The following CCDC178 variants were observed in gnomAD, a reference collection of about 807,000 sequenced individuals.
CCDC178 encodes the protein coiled-coil domain containing 178, also known as coiled-coil domain-containing protein 178.
In CCDC178, 126 loss-of-function variants were observed where a neutral mutation model predicts 117.4. That is an observed-to-expected ratio of 1.07 (90% confidence interval 0.93 to 1.24). The LOEUF is 1.24. Among genes scored for constraint, CCDC178 ranks in the 50% most tolerant of loss-of-function variants. The pLI is 0.00. For synonymous variants in CCDC178, 283 were observed against 313.4 expected, an observed-to-expected ratio of 0.90 and a Z score of 1.02; for missense variants, 1,030 against 986.9, an observed-to-expected ratio of 1.04 and a Z score of -0.59.
chr18:33,313,071 G>A (rs973089208), intron 11 of CCDC178, among the ~76,000 whole-genome samples: 14 of 152,182 alleles, frequency 9.2e-5, no homozygotes, highest in African/African-American at 2.4e-4. Flanking sequence ...ACTGGGATGC[G>A]CTTCACCAAA....
intron 21 of CCDC178, among the ~76,000 whole-genome samples, chr18:33,059,781 T>A (rs1379670888): frequency 6.6e-6 from 1 of 152,192 alleles, no homozygotes; most frequent in South Asian, 2.1e-4. Context: ...CATCGATATA[T>A]TTCTTCAAGG....
Position 33,092,842 on chromosome 18 carries a change from T to A in CCDC178, c.2307A>T (p.Thr769=). 6.3e-7 allele frequency: 1 copy of A among 1,583,982 alleles called. No homozygotes were observed. The highest frequency in any genetic ancestry group is 8.6e-7 in the Non-Finnish European group (1 of 1,160,726). ...LAQEYQQLQI[T]FLKEKDNYFN... ...AATAATTGTCCTTTTCTTTTAAGAA[T>A]GTAATCTGTAGCTGTTGATACTCTT... The change falls in exon 21 of 23, where the codon ACA becomes ACT. Residue 769 remains threonine (T), a synonymous_variant. Transcript: ENST00000383096.
Position 33,346,424 on chromosome 18 carries a change from T to G in CCDC178, c.458-13A>C. The stretch of plus-strand genomic sequence containing the variant: ...GGACACTTTTCATCTTAAACAGAAA[T>G]AAATATTCACATTTGTTAATAAATC... On this transcript the variant is annotated splice_polypyrimidine_tract_variant and intron_variant, in intron 8 of 22. Transcript: ENST00000383096. 1 of 1,565,290 alleles carries G rather than the reference T, an allele frequency of 6.4e-7. No individual in the cohort carries two copies. Among genetic ancestry groups the G allele is most frequent in the Non-Finnish European group, 8.8e-7 (1 of 1,139,024 alleles).
At chr18:33,377,843 T>C (rs2063385777) in intron 5 of CCDC178, among the ~76,000 whole-genome samples, 1 of 152,212 alleles carries the variant, frequency 6.6e-6, no homozygotes. Context: ...CTGTTTTAGT[T>C]ACTGTAGCCA....
intron 20 of CCDC178, among the ~76,000 whole-genome samples, chr18:33,197,613 G>T (rs2058945660): frequency 6.9e-6 from 1 of 145,478 alleles, no homozygotes; most frequent in Non-Finnish European, 1.5e-5. Flanking sequence ...CTACCACACT[G>T]GATTGCTTTA....
intron 20 of CCDC178, among the ~76,000 whole-genome samples, chr18:33,136,349 G>A (rs1001471885): frequency 2.0e-5 from 3 of 152,106 alleles, no homozygotes; most frequent in Non-Finnish European, 4.4e-5. Context: ...GTTAGAAGAT[G>A]TCTACCTCTG....
At chr18:33,030,770 C>T (rs8085522) in intron 21 of CCDC178, among the ~76,000 whole-genome samples, 4,795 of 151,516 alleles carry the variant, frequency 0.032, 116 homozygotes, top group East Asian at 0.081. Context: ...TGATAGATGA[C>T]AGATAGATAA....
chr18:33,040,002 C>G (rs2144889283), intron 21 of CCDC178, among the ~76,000 whole-genome samples: 1 of 151,490 alleles, frequency 6.6e-6, no homozygotes, highest in East Asian at 1.9e-4. Context: ...TAAAAAATTA[C>G]CATAAGAAAA....
At chr18:33,029,316 C>G (rs1018373482) in intron 21 of CCDC178, among the ~76,000 whole-genome samples, 1 of 151,852 alleles carries the variant, frequency 6.6e-6, no homozygotes, top group Non-Finnish European at 1.5e-5. Flanking sequence ...GTTCATACTC[C>G]TCACTTACAT....
At chr18:33,219,216 T>A in intron 18 of CCDC178, among the ~76,000 whole-genome samples, 1 of 152,008 alleles carries the variant, frequency 6.6e-6, no homozygotes, top group East Asian at 1.9e-4. Context: ...CAAATCAATA[T>A]CACAATGAGA....
chr18:32,978,774 C>T (rs1227907986), intron 21 of CCDC178, among the ~76,000 whole-genome samples: 2 of 152,140 alleles, frequency 1.3e-5, no homozygotes, highest in South Asian at 2.1e-4. Flanking sequence ...CGGTGGCTAA[C>T]GCCTGTAATC....
chr18:32,967,998 T>A (rs2054850106), intron 22 of CCDC178, among the ~76,000 whole-genome samples: 1 of 151,840 alleles, frequency 6.6e-6, no homozygotes, highest in East Asian at 1.9e-4. Context: ...CATTTCTTTG[T>A]GACAGCACTC....
At chr18:33,053,469 T>A (rs2056778398) in intron 21 of CCDC178, among the ~76,000 whole-genome samples, 1 of 152,220 alleles carries the variant, frequency 6.6e-6, no homozygotes, top group Admixed American at 6.5e-5. Context: ...TGTATTTTCT[T>A]CTTCATGAAA....
intron 21 of CCDC178, among the ~76,000 whole-genome samples, chr18:33,011,931 T>C (rs906958659): frequency 6.6e-6 from 1 of 152,018 alleles, no homozygotes; most frequent in East Asian, 1.9e-4. Flanking sequence ...TTTAGTTGAT[T>C]TTCTTGCAAG....
intron 22 of CCDC178, chr18:32,958,138 AAC>A (rs1164412917): frequency 4.0e-6 from 2 of 496,606 alleles, no homozygotes; most frequent in Non-Finnish European, 3.7e-6. Flanking sequence ...TGAGAAATAA[AAC>A]ACAGACATTA....
At chr18:33,115,386 T>C (rs892129943) in intron 20 of CCDC178, among the ~76,000 whole-genome samples, 1 of 152,060 alleles carries the variant, frequency 6.6e-6, no homozygotes, top group Non-Finnish European at 1.5e-5. Flanking sequence ...AAGAGAATTT[T>C]ATGAAAAAGT....
intron 20 of CCDC178, among the ~76,000 whole-genome samples, chr18:33,208,517 G>A (rs2059071939): frequency 6.6e-6 from 1 of 152,016 alleles, no homozygotes; most frequent in Non-Finnish European, 1.5e-5. Context: ...TCTTCCTGCT[G>A]ATGTGTCTTG....
chr18:33,274,169 A>G (rs2059919392), intron 12 of CCDC178, among the ~76,000 whole-genome samples: 1 of 151,868 alleles, frequency 6.6e-6, no homozygotes, highest in African/African-American at 2.4e-5. Context: ...GGAAATGCAA[A>G]TCAAAACCAC....
chr18:33,026,844 A>C (rs1253726594), intron 21 of CCDC178, among the ~76,000 whole-genome samples: 1 of 151,906 alleles, frequency 6.6e-6, no homozygotes, highest in Non-Finnish European at 1.5e-5. Context: ...AGGTGAGGCA[A>C]ATCCAAATAT....
Sources: gnomAD v4.1 joint callset for allele counts (sites outside exome capture counted in the v4.1 genomes callset) on GRCh38, gnomAD v4.1.1 for gene constraint, MANE v1.5 for transcripts, NCBI Gene and HGNC (gene_info 2026-07-23, HGNC 2026-07-21) for gene names.